Variants in CADM2 observed in about 807,000 individuals in gnomAD.
CADM2 encodes cell adhesion molecule 2.
In CADM2, 12 loss-of-function variants were observed where a neutral mutation model predicts 49.8. The ratio of observed to expected loss-of-function variants is 0.24; its 90% CI spans 0.15 to 0.39. The LOEUF is 0.39. Among genes scored for constraint, CADM2 ranks in the 10% least tolerant of loss-of-function variants. The pLI is 1.00. For missense variants in CADM2, 378 were observed against 492.3 expected, an observed-to-expected ratio of 0.77 and a Z score of 2.20; for synonymous variants, 214 against 175.4, an observed-to-expected ratio of 1.22 and a Z score of -1.74.
chr3:85,096,346 G>T (rs1251486551), intron 1 of CADM2, among the ~76,000 whole-genome samples: 1 of 151,778 alleles, frequency 6.6e-6, no homozygotes, highest in East Asian at 1.9e-4. Context: ...AGGTAAATGG[G>T]TTGATATAGA....
chr3:85,076,233 G>A (rs752170593), intron 1 of CADM2, among the ~76,000 whole-genome samples: 2 of 151,676 alleles, frequency 1.3e-5, no homozygotes, highest in African/African-American at 2.4e-5. Context: ...TAGTGATGCA[G>A]CCAGGATTTT....
At chr3:85,872,247 G>A (rs1031125716) in intron 3 of CADM2, among the ~76,000 whole-genome samples, 18 of 152,148 alleles carry the variant, frequency 1.2e-4, no homozygotes, top group African/African-American at 3.9e-4. Flanking sequence ...TCCCTCTTGA[G>A]AATTAGTAAG....
intron 1 of CADM2, among the ~76,000 whole-genome samples, chr3:85,250,635 A>G (rs890304289): frequency 6.6e-6 from 1 of 151,684 alleles, no homozygotes; most frequent in Admixed American, 6.6e-5. Context: ...ATATAAGTTT[A>G]ATACATGCTA....
At chr3:85,437,903 T>A (rs2107535634) in intron 1 of CADM2, among the ~76,000 whole-genome samples, 1 of 152,060 alleles carries the variant, frequency 6.6e-6, no homozygotes, top group Admixed American at 6.6e-5. Context: ...TTTCTGATTA[T>A]AAAAAGAGAA....
intron 1 of CADM2, among the ~76,000 whole-genome samples, chr3:85,566,187 G>A: frequency 6.6e-6 from 1 of 152,048 alleles, no homozygotes; most frequent in East Asian, 1.9e-4. Flanking sequence ...ATCATTTTCT[G>A]TATTTTCGAT....
intron 8 of CADM2, 120 bp from the exon 9 acceptor site, chr3:86,065,485 C>T (rs537643766): frequency 1.3e-4 from 129 of 996,646 alleles, no homozygotes; most frequent in Non-Finnish European, 1.7e-4. Flanking sequence ...GTGTAATGCA[C>T]GTTAATGTAT....
At chr3:86,012,990 C>T (rs1731740559) in intron 8 of CADM2, 21 of 890,696 alleles carry the variant, frequency 2.4e-5, no homozygotes, top group South Asian at 2.1e-4. Flanking sequence ...AAAACAAAAA[C>T]CTGATCAGCT....
intron 1 of CADM2, among the ~76,000 whole-genome samples, chr3:85,278,361 C>T (rs2043410859): frequency 1.3e-5 from 2 of 151,340 alleles, no homozygotes; most frequent in South Asian, 2.1e-4. Flanking sequence ...TTGTTTGTCT[C>T]TTAGCCGTTA....
chr3:85,216,347 A>G (rs2041925747), intron 1 of CADM2, among the ~76,000 whole-genome samples: 1 of 147,552 alleles, frequency 6.8e-6, no homozygotes, highest in South Asian at 2.1e-4. Flanking sequence ...TAAATATATT[A>G]TTATATTAAT....
chr3:85,989,096 T>C lies in CADM2; in HGVS notation c.970+27449T>C, dbSNP rs1301461841. On this transcript the variant is annotated intron_variant, in intron 8 of 9. Transcript: ENST00000383699. ...TAAAGTCATCTTTTAAAAATATTAA[T>C]TTTAAGCCCCATTCCTCCACTCTGT... Among the ~76,000 whole-genome samples, 3 of 152,178 alleles carry C rather than the reference T, an allele frequency of 2.0e-5. No homozygotes were observed. In the East Asian group the frequency reaches 5.8e-4, roughly 29 times the overall value.
chr3:85,409,565 C>G (rs2035562873), intron 1 of CADM2, among the ~76,000 whole-genome samples: 1 of 151,966 alleles, frequency 6.6e-6, no homozygotes, highest in South Asian at 2.1e-4. Context: ...AATGAATCAC[C>G]AAGGACATCA....
At chr3:85,543,861 CT>C (rs2061605209) in intron 1 of CADM2, among the ~76,000 whole-genome samples, 1 of 152,130 alleles carries the variant, frequency 6.6e-6, no homozygotes, top group East Asian at 1.9e-4. Flanking sequence ...TGTTCTCCAC[CT>C]TTCAACACTG....
At chr3:85,617,810 G>T (rs1033829383) in intron 1 of CADM2, among the ~76,000 whole-genome samples, 45 of 152,186 alleles carry the variant, frequency 3.0e-4, no homozygotes, top group Non-Finnish European at 4.3e-4. Context: ...GTAGGATATG[G>T]GGTTGAAAAC....
intron 1 of CADM2, among the ~76,000 whole-genome samples, chr3:85,715,646 C>G (rs1481811747): frequency 6.6e-6 from 1 of 152,056 alleles, no homozygotes; most frequent in Non-Finnish European, 1.5e-5. Flanking sequence ...TTAATGCTAT[C>G]CCTCCCCTTG....
chr3:85,354,475 C>T (rs1194588338), intron 1 of CADM2, among the ~76,000 whole-genome samples: 1 of 151,522 alleles, frequency 6.6e-6, no homozygotes, highest in Non-Finnish European at 1.5e-5. Flanking sequence ...GCACATTGTG[C>T]ACATGTACCC....
In CADM2 at chr3:85,947,449, G is replaced by A. The variant is rs527526138; in HGVS notation, c.791+11592G>A. Among the ~76,000 whole-genome samples, 5 of 151,274 alleles carry A rather than the reference G, an allele frequency of 3.3e-5. No homozygotes were observed. In the Admixed American group the frequency reaches 3.3e-4, roughly 10 times the overall value. On this transcript the variant is annotated intron_variant, in intron 7 of 9. Transcript: ENST00000383699. ...CTGATATATAGAGAAATGCAAAATTGTCTCAATTAACTAATTAAAAATTAA... is the reference window on the plus strand; with the variant it reads ...CTGATATATAGAGAAATGCAAAATTATCTCAATTAACTAATTAAAAATTAA...
At chr3:84,977,742 C>A (rs1257227546) in intron 1 of CADM2, among the ~76,000 whole-genome samples, 1 of 151,982 alleles carries the variant, frequency 6.6e-6, no homozygotes, top group Non-Finnish European at 1.5e-5. Context: ...CAGAATAGTT[C>A]TTAAAAACAG....
Position 85,985,348 on chromosome 3 carries a change from A to T in CADM2, c.970+23701A>T, listed in dbSNP as rs1168584266. On this transcript the variant is annotated intron_variant, in intron 8 of 9. Coordinates refer to ENST00000383699, the MANE Select transcript of CADM2 (RefSeq NM_001167675.2). The stretch of plus-strand genomic sequence containing the variant: ...GAGGGCTTCACCTCATGATTTAATC[A>T]CTTCCCCAGGCCCCAGCTCTTAATA... Among the ~76,000 whole-genome samples the T allele has an allele frequency of 1.2e-4, 18 of 151,702 alleles. No homozygotes were observed. The Admixed American group carries it at 1.2e-3, about 10-fold the overall frequency.
At chr3:85,564,148 A>T (rs1435666241) in intron 1 of CADM2, among the ~76,000 whole-genome samples, 1 of 150,778 alleles carries the variant, frequency 6.6e-6, no homozygotes, top group Non-Finnish European at 1.5e-5. Context: ...TTTGCAAGTA[A>T]ATAATTTAGA....
Sources: allele counts gnomAD v4.1 joint callset (sites outside exome capture counted in the v4.1 genomes callset), GRCh38; gene constraint gnomAD v4.1.1; transcripts MANE v1.5; gene names NCBI Gene and HGNC (gene_info 2026-07-23, HGNC 2026-07-21).